Variants in RPH3AL observed in about 807,000 individuals in gnomAD.
RPH3AL encodes rabphilin 3A like (without C2 domains).
In RPH3AL, 38 loss-of-function variants were observed where a neutral mutation model predicts 43.1. The ratio of observed to expected loss-of-function variants is 0.88; its 90% confidence interval spans 0.68 to 1.15. RPH3AL has a LOEUF of 1.15. RPH3AL is among the 50% of genes most tolerant of loss of function. The pLI is 0.00. For missense variants in RPH3AL, 462 were observed against 423.2 expected, an observed-to-expected ratio of 1.09 and a Z score of -0.81; for synonymous variants, 189 against 176.3, an observed-to-expected ratio of 1.07 and a Z score of -0.57.
rs1473590740 is a variant in RPH3AL at position 215,351 on chromosome 17, T to C, written c.876+303A>G. On this transcript the variant is annotated intron_variant, in intron 9 of 9. Transcript: ENST00000331302. This position sits in a 1 kb window ranked among gnomAD's most constrained non-coding sequence, Gnocchi z 4.1. ...GGGACAATAAGCCTCCCAGCCACTC[T>C]GCCAAGAGAATGAAAGTTCGCCCCA... is the stretch of plus-strand genomic sequence containing the variant. 2.0e-5 allele frequency among the ~76,000 whole-genome samples: 3 copies of C among 152,206 alleles called. No individual in the cohort carries two copies. The highest frequency in any genetic ancestry group is 2.9e-5 in the Non-Finnish European group (2 of 68,028).
In RPH3AL at chr17:219,697, G is replaced by T. The variant is rs1479226642; in HGVS notation, c.653C>A (p.Ser218Tyr). The T allele has an allele frequency of 3.7e-6, 6 of 1,613,510 alleles. No individual in the cohort carries two copies. The highest frequency in any genetic ancestry group is 2.2e-5 in the East Asian group (1 of 44,850). The change falls in exon 8 of 10, where the codon TCC becomes TAC. Residue 218 changes from serine (S) to tyrosine (Y), a missense_variant. Coordinates refer to ENST00000331302, the MANE Select transcript of RPH3AL (RefSeq NM_006987.4). ...TGGGAGTCTGTCCTCTAGGCTGGAG[G>T]AGCTAAGATCCGAGTCACTGTCACT... Reference protein sequence around the residue: ...SDSDSDSDLSSSSLEDRLPST... With the variant: ...SDSDSDSDLSYSSLEDRLPST...
intron 3 of RPH3AL, among the ~76,000 whole-genome samples, chr17:325,152 C>T (rs771890384): frequency 6.6e-6 from 1 of 152,208 alleles, no homozygotes; most frequent in Non-Finnish European, 1.5e-5. Context: ...TGAGCCACCG[C>T]GACCGGCCTA....
At chr17:280,733 A>C (rs1193253244) in intron 6 of RPH3AL, among the ~76,000 whole-genome samples, 1 of 152,218 alleles carries the variant, frequency 6.6e-6, no homozygotes, top group East Asian at 1.9e-4. Flanking sequence ...TTCACCCAGA[A>C]AGGACCACAG....
At position 283,470 on chromosome 17, in the gene RPH3AL, G is replaced by T. The variant is rs2042832734; in HGVS notation, c.352-1616C>A. 6.6e-6 allele frequency among the ~76,000 whole-genome samples: 1 copy of T among 152,276 alleles called. No individual in the cohort carries two copies. The highest frequency in any genetic ancestry group is 2.1e-4 in the South Asian group (1 of 4,824). ...TATTTATCCAAAGAAAATGCAATCT[G>T]CTCCAAGCTCCTGTCCCTCTGGATT... On this transcript the variant is annotated intron_variant, in intron 5 of 9. Coordinates refer to ENST00000331302, the MANE Select transcript of RPH3AL (RefSeq NM_006987.4). The surrounding 1 kb of genome is among the most constrained non-coding windows in gnomAD (Gnocchi z 4.2).
At chr17:317,509 G>T (rs1158861558) in intron 5 of RPH3AL, among the ~76,000 whole-genome samples, 1 of 144,586 alleles carries the variant, frequency 6.9e-6, no homozygotes, top group Non-Finnish European at 1.5e-5. Flanking sequence ...TGTAGTCCCT[G>T]TGCCCCCACC....
At position 215,613 on chromosome 17, in the gene RPH3AL, CG is replaced by C; in HGVS notation, c.876+40del. On this transcript the variant is annotated intron_variant, in intron 9 of 9. Transcript: ENST00000331302. The surrounding 1 kb of genome is among the most constrained non-coding windows in gnomAD (Gnocchi z 4.1). ...GAGTGAGTGAGAGAGGACACGGCCG[CG>C]GGGGCAGGAGAGGGGAGAAGGCAGC... 3 of 1,256,162 alleles carry C rather than the reference CG, an allele frequency of 2.4e-6. No homozygotes were observed. Among genetic ancestry groups the C allele is most frequent in the Non-Finnish European group, 1.0e-6 (1 of 995,828 alleles). The allele number at this position is 1,256,162 out of a possible 1,614,324, so 77.8% of individuals were successfully genotyped here. A position where few individuals can be genotyped will look rare whatever the true frequency, so the allele number is the denominator to read the frequency against.
chr17:270,356 G>A (rs1415567999), intron 6 of RPH3AL, among the ~76,000 whole-genome samples: 1 of 152,240 alleles, frequency 6.6e-6, no homozygotes, highest in Non-Finnish European at 1.5e-5. Context: ...CGGGAAGCAG[G>A]TGCCGCAAGG....
intron 7 of RPH3AL, among the ~76,000 whole-genome samples, chr17:241,711 C>CTTTTTTTTTTTTTTTTTTTT (rs1001979455): frequency 3.6e-4 from 33 of 92,758 alleles, no homozygotes; most frequent in Non-Finnish European, 4.9e-4. Flanking sequence ...GTTTCTTTTT[C>CTTTTTTTTTTTTTTTTTTTT]TTTTTTTTTC....
chr17:236,033 T>C (rs3923019), intron 7 of RPH3AL, among the ~76,000 whole-genome samples: 61,096 of 113,490 alleles, frequency 0.54, 18,856 homozygotes, highest in African/African-American at 0.7. Flanking sequence ...GGTGGCTCCG[T>C]ACTAACAAGA....
chr17:231,382 C>T (rs1290560243), intron 7 of RPH3AL, among the ~76,000 whole-genome samples: 1 of 152,232 alleles, frequency 6.6e-6, no homozygotes, highest in Non-Finnish European at 1.5e-5. Context: ...CTGCCTGCCC[C>T]TTCCTGTGTG....
At chr17:272,889 C>T (rs1231142894) in intron 6 of RPH3AL, among the ~76,000 whole-genome samples, 1 of 151,946 alleles carries the variant, frequency 6.6e-6, no homozygotes, top group Admixed American at 6.6e-5. Context: ...AAAGACCCAG[C>T]CTCAGTGGGC....
At chr17:243,839 A>G (rs543383380) in intron 7 of RPH3AL, among the ~76,000 whole-genome samples, 3 of 142,236 alleles carry the variant, frequency 2.1e-5, no homozygotes, top group Middle Eastern at 4.7e-3. Context: ...TCTATTGATT[A>G]CCTTCCTCTG....
chr17:229,770 G>T (rs1372081769), intron 7 of RPH3AL, among the ~76,000 whole-genome samples: 1 of 152,098 alleles, frequency 6.6e-6, no homozygotes, highest in African/African-American at 2.4e-5. Context: ...CAGGGTGCAG[G>T]GTTGGGGGAA....
chr17:309,760 C>T (rs114567845), intron 5 of RPH3AL, among the ~76,000 whole-genome samples: 7 of 151,632 alleles, frequency 4.6e-5, no homozygotes, highest in African/African-American at 1.7e-4. Context: ...GCCCCAGGCT[C>T]CTGCCAGCCC....
At chr17:321,625 G>A (rs1461424416) in intron 3 of RPH3AL, 3 of 532,472 alleles carry the variant, frequency 5.6e-6, no homozygotes, top group Non-Finnish European at 9.7e-6. Flanking sequence ...CAACAGAGAC[G>A]GCCCAGGTTC....
rs1598153810 is a variant in RPH3AL at position 333,470 on chromosome 17, A to G, written c.-37+289T>C. The G allele has an allele frequency of 4.8e-6, 2 of 413,914 alleles. No individual in the cohort carries two copies. Among genetic ancestry groups the G allele is most frequent in the East Asian group, 1.5e-4 (2 of 13,662 alleles). 25.6% of individuals were successfully genotyped at this position (413,914 alleles called of 1,614,324 possible). A position where few individuals can be genotyped will look rare whatever the true frequency, so the allele number is the denominator to read the frequency against. On this transcript the variant is annotated intron_variant, in intron 2 of 9. Coordinates refer to ENST00000331302, the MANE Select transcript of RPH3AL (RefSeq NM_006987.4). This position sits in a 1 kb window ranked among gnomAD's most constrained non-coding sequence, Gnocchi z 4.5. ...TACGCTGCTTGCTGGTTTCTAAATA[A>G]AATTGGGTTCTTACTATATATGCTG...
intron 6 of RPH3AL, among the ~76,000 whole-genome samples, chr17:258,141 T>A (rs192398170): frequency 1.3e-5 from 2 of 152,338 alleles, no homozygotes; most frequent in Admixed American, 1.3e-4. Context: ...CGTTTTGTCG[T>A]CTGTTCATAG....
chr17:352,164 T>A (rs62055027), intron 1 of RPH3AL, among the ~76,000 whole-genome samples: 20,234 of 152,216 alleles, frequency 0.13, 1,837 homozygotes, highest in Non-Finnish European at 0.2. Context: ...AATGTGAGTA[T>A]CCCAGGGTAG....
intron 7 of RPH3AL, among the ~76,000 whole-genome samples, chr17:235,337 A>G (rs2041345539): frequency 1.4e-5 from 2 of 148,060 alleles, no homozygotes; most frequent in African/African-American, 2.5e-5. Flanking sequence ...GCTCTGCACT[A>G]ACAAGACGGA....
Sources: gnomAD v4.1 joint callset for allele counts (sites outside exome capture counted in the v4.1 genomes callset) on GRCh38, gnomAD v4.1.1 for gene constraint, Gnocchi (gnomAD v3.1) non-coding constraint, MANE v1.5 for transcripts, NCBI Gene and HGNC (gene_info 2026-07-23, HGNC 2026-07-21) for gene names.